The following KLB variants were observed in gnomAD, a reference collection of about 807,000 sequenced individuals.
KLB encodes the protein beta-klotho.
In KLB, 44 loss-of-function variants were observed where a neutral mutation model predicts 88.4. That is an observed-to-expected ratio of 0.50 (90% CI 0.39 to 0.64). KLB has a LOEUF of 0.64. Among genes scored for constraint, KLB ranks in the 30% least tolerant of loss-of-function variants. The pLI is 0.00. For synonymous variants in KLB, 548 were observed against 513.4 expected, an observed-to-expected ratio of 1.07 and a Z score of -0.91; for missense variants, 1,137 against 1,304.8, an observed-to-expected ratio of 0.87 and a Z score of 1.98.
chr4:39,414,939 A>G (rs1013604008), intron 1 of KLB, among the ~76,000 whole-genome samples: 1 of 151,084 alleles, frequency 6.6e-6, no homozygotes, highest in Non-Finnish European at 1.5e-5. Context: ...ACGTTTATCC[A>G]TTTTTGATGC....
At chr4:39,420,564 G>A (rs1268103828) in intron 1 of KLB, among the ~76,000 whole-genome samples, 1 of 152,018 alleles carries the variant, frequency 6.6e-6, no homozygotes, top group Non-Finnish European at 1.5e-5. Context: ...TTACTCTGTT[G>A]TCCAGGCTGG....
rs56126083 is a variant in KLB at position 39,448,591 on chromosome 4, A to G, written c.3040A>G (p.Ile1014Val). The change falls in exon 5 of 5, where the codon ATT (isoleucine) becomes GTT (valine). Residue 1014 changes from isoleucine (I) to valine (V), a missense_variant. Around this residue, in one of 4 missense-constraint regions of KLB, gnomAD observed 426 missense variants for 404.6 expected, o/e 1.05. Coordinates refer to ENST00000257408, the MANE Select transcript of KLB (RefSeq NM_175737.4). ...FFSTLVLLLSIAIFQRQKRRK... is the reference protein window; with the variant it reads ...FFSTLVLLLSVAIFQRQKRRK... ...CTCCACCCTGGTTCTACTCTTATCA[A>G]TTGCCATTTTTCAAAGGCAGAAGAG... The G allele has an allele frequency of 6.8e-6, 11 of 1,614,168 alleles. No homozygotes were observed. In the South Asian group the frequency reaches 9.9e-5, roughly 15 times the overall value.
Position 39,434,292 on chromosome 4 carries a change from A to T in KLB, c.908A>T (p.His303Leu). 1 of 1,613,346 alleles carries T rather than the reference A, an allele frequency of 6.2e-7. No individual in the cohort carries two copies. The highest frequency in any genetic ancestry group is 8.5e-7 in the Non-Finnish European group (1 of 1,179,224). The change falls in exon 2 of 5, where the codon CAT becomes CTT. Residue 303 changes from histidine (H) to leucine (L), a missense_variant. Physicochemically the swap from His to Leu is moderately conservative, Grantham distance 99. This residue lies in a region of KLB where 597 missense variants were observed against 765.2 expected (regional missense o/e 0.78). Transcript: ENST00000257408. ...KGWLSITLGS[H>L]WIEPNRSENT... Reference sequence around the variant, plus strand: ...TGGTTATCGATCACGTTGGGATCTCATTGGATCGAGCCAAACCGGTCGGAA... The same window carrying T: ...TGGTTATCGATCACGTTGGGATCTCTTTGGATCGAGCCAAACCGGTCGGAA...
intron 3 of KLB, among the ~76,000 whole-genome samples, chr4:39,445,752 C>T (rs1743730066): frequency 6.6e-6 from 1 of 150,410 alleles, no homozygotes; most frequent in South Asian, 2.1e-4. Flanking sequence ...AAACTCCCAA[C>T]TTCAGGTGAT....
chr4:39,407,288 C>A lies in KLB; in HGVS notation c.339C>A (p.Phe113Leu). ...DGKGPSIWDH[F>L]IHTHLKNVSS... Reference sequence around the variant, plus strand: ...AAGGACCTTCTATATGGGATCATTTCATCCACACACACCTTAAAAATGTCA... The same window carrying A: ...AAGGACCTTCTATATGGGATCATTTAATCCACACACACCTTAAAAATGTCA... The change falls in exon 1 of 5, where the codon TTC (phenylalanine) becomes TTA (leucine). Residue 113 changes from phenylalanine to leucine, a missense_variant. Physicochemically the swap from Phe to Leu is conservative, Grantham distance 22. Around this residue, in one of 4 missense-constraint regions of KLB, gnomAD observed 597 missense variants for 765.2 expected, o/e 0.78. Transcript: ENST00000257408. 1 of 1,614,070 alleles carries A rather than the reference C, an allele frequency of 6.2e-7. No homozygotes were observed. The highest frequency in any genetic ancestry group is 8.5e-7 in the Non-Finnish European group (1 of 1,179,924).
At chr4:39,445,768 C>T (rs1743730291) in intron 3 of KLB, among the ~76,000 whole-genome samples, 2 of 151,496 alleles carry the variant, frequency 1.3e-5, no homozygotes, top group Admixed American at 6.6e-5. Context: ...GTGATCTGCC[C>T]GCCTCAGCCT....
rs56820388 is a variant in KLB, at chr4:39,443,758, C to CA, written c.1606-2555dup. Among the ~76,000 whole-genome samples, 645 of 110,900 alleles carry CA rather than the reference C, an allele frequency of 5.8e-3. 6 individuals carry two copies. Among genetic ancestry groups the CA allele is most frequent in the African/African-American group, 0.016 (477 of 29,670 alleles). 72.8% of individuals were successfully genotyped at this position (110,900 alleles called of 152,430 possible). A position where few individuals can be genotyped will look rare whatever the true frequency, so the allele number is the denominator to read the frequency against. On this transcript the variant is annotated intron_variant, in intron 3 of 4. Coordinates refer to ENST00000257408, the MANE Select transcript of KLB (RefSeq NM_175737.4). ...CCTGGGCAACACAGTGAGACTTTGTCAAAAAAAAAAAAAAAAAAAGAAAAA... is the reference window on the plus strand; with the variant it reads ...CCTGGGCAACACAGTGAGACTTTGTCAAAAAAAAAAAAAAAAAAAAGAAAAA...
In KLB at chr4:39,446,602, G is replaced by T; in HGVS notation, c.1876G>T (p.Val626Leu). 6.2e-7 allele frequency: 1 copy of T among 1,614,150 alleles called. No individual in the cohort carries two copies. Among genetic ancestry groups the T allele is most frequent in the Non-Finnish European group, 8.5e-7 (1 of 1,179,986 alleles). ...ACAGGCCCTGAGGTACTACAGGTGC[G>T]TGGTCAGTGAGGGGCTGAAGCTTGG... ...NRQALRYYRC[V>L]VSEGLKLGIS... is the part of the protein sequence containing the mutation. Residue 626 changes from valine to leucine, a missense_variant, in exon 4 of 5, where the codon GTG becomes TTG. Around this residue, in one of 4 missense-constraint regions of KLB, gnomAD observed 597 missense variants for 765.2 expected, o/e 0.78. Coordinates refer to ENST00000257408, the MANE Select transcript of KLB (RefSeq NM_175737.4). The surrounding 1 kb of genome is among the most constrained non-coding windows in gnomAD (Gnocchi z 6.4).
chr4:39,440,838 G>A (rs1454344896), intron 3 of KLB, among the ~76,000 whole-genome samples: 1 of 152,128 alleles, frequency 6.6e-6, no homozygotes, highest in Non-Finnish European at 1.5e-5. Context: ...GATTACAGGT[G>A]TTAGCCACCG....
intron 1 of KLB, among the ~76,000 whole-genome samples, chr4:39,428,164 C>T (rs1310545306): frequency 3.9e-5 from 6 of 152,164 alleles, no homozygotes; most frequent in South Asian, 2.1e-4. Flanking sequence ...GGGTGGCTCA[C>T]GCCTGTAACC....
At chr4:39,409,493 G>C (rs1742794624) in intron 1 of KLB, among the ~76,000 whole-genome samples, 1 of 150,756 alleles carries the variant, frequency 6.6e-6, no homozygotes, top group African/African-American at 2.4e-5. Flanking sequence ...GTTTCACTAT[G>C]TTGGCCAGGC....
Position 39,446,715 on chromosome 4 carries a change from C to A in KLB, c.1989C>A (p.Asn663Lys). The change falls in exon 4 of 5, where the codon AAC becomes AAA. Residue 663 changes from asparagine to lysine, a missense_variant. Asn to Lys is a moderately conservative substitution (Grantham distance 94, BLOSUM62 0). Around this residue, in one of 4 missense-constraint regions of KLB, gnomAD observed 597 missense variants for 765.2 expected, o/e 0.78. Coordinates refer to ENST00000257408, the MANE Select transcript of KLB (RefSeq NM_175737.4). The surrounding 1 kb of genome is among the most constrained non-coding windows in gnomAD (Gnocchi z 6.4). ...EPLLHADGWL[N>K]PSTAEAFQAY... ...TGTTGCATGCCGACGGGTGGCTGAA[C>A]CCATCGACGGCCGAGGCCTTCCAGG... is the stretch of plus-strand genomic sequence containing the variant. 6.2e-7 allele frequency: 1 copy of A among 1,608,216 alleles called. No individual in the cohort carries two copies. The highest frequency in any genetic ancestry group is 8.5e-7 in the Non-Finnish European group (1 of 1,176,472).
rs1743895324 is a variant in KLB, at chr4:39,451,392, T to G, written c.*2706T>G. On this transcript the variant is annotated 3_prime_UTR_variant, in exon 5 of 5. Transcript: ENST00000257408. The stretch of plus-strand genomic sequence containing the variant: ...AAAATCTAACGTGTTTATCGTATAT[T>G]CAATGTAACAACCTGGAGAATCACA... The G allele has an allele frequency of 6.6e-6, 1 of 152,228 alleles. No homozygotes were observed. The allele number at this position is 152,228 out of a possible 1,614,324, so 9.4% of individuals were successfully genotyped here.
intron 3 of KLB, 119 bp downstream of exon 3, chr4:39,438,114 G>A: frequency 4.3e-6 from 4 of 922,734 alleles, no homozygotes; most frequent in Non-Finnish European, 4.8e-6. Flanking sequence ...ATTGTATGGA[G>A]GTTATGAAGG....
chr4:39,437,858 C>T lies in KLB; in HGVS notation c.1468C>T (p.Arg490Trp), dbSNP rs138571801. 6.8e-6 allele frequency: 11 copies of T among 1,614,000 alleles called. No individual in the cohort carries two copies. The highest frequency in any genetic ancestry group is 3.3e-4 in the Middle Eastern group (2 of 6,084). ...YVDFNSKQKE[R>W]KPKSSAHYYK... ...GGATTTTAACAGTAAACAGAAAGAG[C>T]GGAAACCTAAGTCTTCAGCACACTA... The change falls in exon 3 of 5, where the codon CGG becomes TGG. Residue 490 changes from arginine (R) to tryptophan (W), a missense_variant. By Grantham distance (101) the Arg-to-Trp change is moderately radical. Coordinates refer to ENST00000257408, the MANE Select transcript of KLB (RefSeq NM_175737.4).
Position 39,447,475 on chromosome 4 carries a change from G to A in KLB, c.2749G>A (p.Ala917Thr). 1.9e-6 allele frequency: 3 copies of A among 1,563,102 alleles called. No individual in the cohort carries two copies. Among genetic ancestry groups the A allele is most frequent in the East Asian group, 2.3e-5 (1 of 44,432 alleles). Residue 917 changes from alanine (A) to threonine (T), a missense_variant and splice_region_variant, in exon 4 of 5, where the codon GCA becomes ACA. By Grantham distance (58) the Ala-to-Thr change is moderately conservative. Coordinates refer to ENST00000257408, the MANE Select transcript of KLB (RefSeq NM_175737.4). ...GAAGTACCTTCAGGAGGTGCTGAAA[G>A]GTAAGGGCGGGGCCCCTTCAGACAC... is the stretch of plus-strand genomic sequence containing the variant. ...LGKYLQEVLK[A>T]YLIDKVRIKG...
intron 1 of KLB, among the ~76,000 whole-genome samples, chr4:39,413,099 C>T (rs1370560911): frequency 3.3e-5 from 5 of 152,106 alleles, no homozygotes. Flanking sequence ...TTTATTTCAG[C>T]CTCTCACGTC....
rs1321648148 is a variant in KLB at position 39,446,211 on chromosome 4, G to T, written c.1606-121G>T. ...CTGGTCTCCTTGGGAGATTTCAAGG[G>T]CTGGAATAGGCCTGGCGTGGTGGCC... On this transcript the variant is annotated intron_variant, in intron 3 of 4. Coordinates refer to ENST00000257408, the MANE Select transcript of KLB (RefSeq NM_175737.4). This position sits in a 1 kb window ranked among gnomAD's most constrained non-coding sequence, Gnocchi z 6.4. 1.2e-6 allele frequency: 1 copy of T among 820,450 alleles called. No individual in the cohort carries two copies. 50.8% of individuals were successfully genotyped at this position (820,450 alleles called of 1,614,324 possible). A position where few individuals can be genotyped will look rare whatever the true frequency, so the allele number is the denominator to read the frequency against.
intron 2 of KLB, among the ~76,000 whole-genome samples, chr4:39,435,285 T>C (rs1289135663): frequency 7.1e-6 from 1 of 141,184 alleles, no homozygotes; most frequent in Admixed American, 7.1e-5. Flanking sequence ...ACCCAGCTAA[T>C]TTTTTATATT....
Sources: allele counts gnomAD v4.1 joint callset (sites outside exome capture counted in the v4.1 genomes callset), GRCh38; gene constraint gnomAD v4.1.1; regional missense constraint gnomAD v4.1.1; non-coding constraint Gnocchi (gnomAD v3.1); transcripts MANE v1.5; gene names NCBI Gene and HGNC (gene_info 2026-07-23, HGNC 2026-07-21).